Variants in CSMD1 observed in about 807,000 individuals in gnomAD.
CSMD1 encodes the protein CUB and sushi domain-containing protein 1.
CSMD1 carries 213 observed loss-of-function variants against 417.5 expected under a neutral mutation model. The ratio of observed to expected loss-of-function variants is 0.51; its 90% confidence interval spans 0.46 to 0.57. The LOEUF is 0.57. Ranked by LOEUF, CSMD1 falls within the 20% of genes least tolerant of loss-of-function variation. The pLI is 0.00. For synonymous variants in CSMD1, 2,862 were observed against 1,736.8 expected, an observed-to-expected ratio of 1.65 and a Z score of -16.11; for missense variants, 6,923 against 4,529.7, an observed-to-expected ratio of 1.53 and a Z score of -15.17.
At chr8:4,865,180 G>A (rs989611676) in intron 1 of CSMD1, among the ~76,000 whole-genome samples, 15 of 151,604 alleles carry the variant, frequency 9.9e-5, no homozygotes, top group Admixed American at 7.9e-4. Context: ...TTAATGACAT[G>A]TTCTAATATC....
chr8:3,297,009 C>T (rs758491868), intron 25 of CSMD1, among the ~76,000 whole-genome samples: 50 of 152,174 alleles, frequency 3.3e-4, no homozygotes, highest in Non-Finnish European at 3.8e-4. Flanking sequence ...ATGAAATCTT[C>T]GAAGTTCTTA....
intron 3 of CSMD1, among the ~76,000 whole-genome samples, chr8:4,038,711 T>C (rs972472769): frequency 6.6e-6 from 1 of 152,214 alleles, no homozygotes; most frequent in African/African-American, 2.4e-5. Flanking sequence ...AAGAAAGCAA[T>C]ACTTATTTAG....
intron 2 of CSMD1, among the ~76,000 whole-genome samples, chr8:4,605,510 C>A (rs138899270): frequency 8.9e-4 from 135 of 152,180 alleles, no homozygotes; most frequent in Non-Finnish European, 1.7e-3. Flanking sequence ...CCTAATTGAC[C>A]AGGAAACAGA....
At chr8:4,500,388 C>A (rs1043217659) in intron 2 of CSMD1, among the ~76,000 whole-genome samples, 2 of 152,166 alleles carry the variant, frequency 1.3e-5, no homozygotes, top group African/African-American at 2.4e-5. Context: ...TCATATATCA[C>A]AGCCCGAAAA....
chr8:4,296,127 A>G (rs1377197477), intron 3 of CSMD1, among the ~76,000 whole-genome samples: 1 of 152,068 alleles, frequency 6.6e-6, no homozygotes. Flanking sequence ...TCAAAACCAC[A>G]ATAAGAAGCG....
At chr8:3,477,778 A>G (rs965579465) in intron 11 of CSMD1, among the ~76,000 whole-genome samples, 2 of 152,160 alleles carry the variant, frequency 1.3e-5, no homozygotes, top group Non-Finnish European at 2.9e-5. Flanking sequence ...AGGTACTGAG[A>G]GCAAGTAAAG....
chr8:3,233,206 G>C (rs1016482680), intron 26 of CSMD1, among the ~76,000 whole-genome samples: 4 of 152,036 alleles, frequency 2.6e-5, no homozygotes, highest in African/African-American at 9.7e-5. Context: ...GGTCATATTG[G>C]GAGGTGAGGC....
chr8:4,065,337 G>T lies in CSMD1; in HGVS notation c.416-33238C>A, dbSNP rs144983154. 1.7e-3 allele frequency among the ~76,000 whole-genome samples: 266 copies of T among 152,268 alleles called. 2 individuals are homozygous for T. The highest frequency in any genetic ancestry group is 6.1e-3 in the African/African-American group (253 of 41,534). ...AACTTTTACATTTAACCAGAATAAG[G>T]CTGGTGTTCACCAAAGTCATGGATA... On this transcript the variant is annotated intron_variant, in intron 3 of 69. Coordinates refer to ENST00000635120, the MANE Select transcript of CSMD1 (RefSeq NM_033225.6).
chr8:3,334,026 T>C (rs1807077193), intron 23 of CSMD1, among the ~76,000 whole-genome samples: 1 of 152,174 alleles, frequency 6.6e-6, no homozygotes, highest in South Asian at 2.1e-4. Flanking sequence ...CATGGACCCA[T>C]CGTGATGCCC....
chr8:3,175,208 G>A (rs909446259), intron 37 of CSMD1, among the ~76,000 whole-genome samples: 2 of 152,116 alleles, frequency 1.3e-5, no homozygotes, highest in Non-Finnish European at 2.9e-5. Context: ...TACTAAAAAT[G>A]TAGAAACAAT....
intron 3 of CSMD1, among the ~76,000 whole-genome samples, chr8:4,081,275 C>T (rs970002147): frequency 4.6e-5 from 7 of 152,250 alleles, no homozygotes; most frequent in South Asian, 2.1e-4. Flanking sequence ...ATACGCCCAG[C>T]GATTCTCGTC....
intron 5 of CSMD1, among the ~76,000 whole-genome samples, chr8:3,798,055 TTAA>T (rs1266330417): frequency 6.6e-6 from 1 of 152,028 alleles, no homozygotes. Flanking sequence ...TTATTTCTTC[TTAA>T]TAATCCATTG....
chr8:4,599,112 G>C (rs1260049719), intron 2 of CSMD1, among the ~76,000 whole-genome samples: 2 of 152,158 alleles, frequency 1.3e-5, no homozygotes, highest in South Asian at 2.1e-4. Flanking sequence ...AAAAGTGTTA[G>C]AACGTGCCTT....
At chr8:3,027,927 G>A (rs1322576774) in intron 51 of CSMD1, among the ~76,000 whole-genome samples, 1 of 152,160 alleles carries the variant, frequency 6.6e-6, no homozygotes, top group Non-Finnish European at 1.5e-5. Context: ...TTCCCTTAAG[G>A]AGAAGGCTCT....
chr8:3,331,107 G>A (rs772064870), intron 23 of CSMD1, among the ~76,000 whole-genome samples: 12 of 152,142 alleles, frequency 7.9e-5, no homozygotes, highest in Admixed American at 3.9e-4. Context: ...GCGTGGTGGC[G>A]GGTGCCTGTA....
intron 3 of CSMD1, among the ~76,000 whole-genome samples, chr8:4,210,454 G>A (rs1162743234): frequency 6.6e-6 from 1 of 152,162 alleles, no homozygotes; most frequent in Admixed American, 6.5e-5. Context: ...AAAAGATCAA[G>A]TTTCTAACTT....
intron 1 of CSMD1, among the ~76,000 whole-genome samples, chr8:4,967,337 A>G (rs948863869): frequency 7.2e-5 from 11 of 152,196 alleles, no homozygotes; most frequent in African/African-American, 2.4e-4. Flanking sequence ...GTTTTAAGAT[A>G]TCCAAGTCTT....
At chr8:4,323,207 A>AC (rs1357902332) in intron 3 of CSMD1, among the ~76,000 whole-genome samples, 2 of 152,142 alleles carry the variant, frequency 1.3e-5, no homozygotes, top group African/African-American at 4.8e-5. Context: ...TCCTATGCAG[A>AC]CCCATGTGAT....
intron 1 of CSMD1, among the ~76,000 whole-genome samples, chr8:4,821,002 A>G (rs925116714): frequency 3.3e-5 from 5 of 152,164 alleles, no homozygotes; most frequent in South Asian, 2.1e-4. Context: ...GCACGTAGTC[A>G]TTAGAATGTC....
Sources: allele counts gnomAD v4.1 joint callset (sites outside exome capture counted in the v4.1 genomes callset), GRCh38; gene constraint gnomAD v4.1.1; transcripts MANE v1.5; gene names NCBI Gene and HGNC (gene_info 2026-07-23, HGNC 2026-07-21).